EVI5: variants seen among roughly 807,000 people sequenced by gnomAD.
EVI5 encodes the protein ecotropic viral integration site 5 protein homolog.
EVI5 carries 73 observed loss-of-function variants against 112.0 expected under a neutral mutation model. The ratio of observed to expected loss-of-function variants is 0.65; its 90% CI spans 0.54 to 0.79. The LOEUF is 0.79. Ranked by LOEUF, EVI5 falls within the 30% of genes least tolerant of loss-of-function variation. The pLI is 0.00. For missense variants in EVI5, 900 were observed against 968.8 expected, an observed-to-expected ratio of 0.93 and a Z score of 0.94; for synonymous variants, 305 against 319.9, an observed-to-expected ratio of 0.95 and a Z score of 0.50.
In EVI5 at chr1:92,703,632, T is replaced by C. The variant is rs1244162911; in HGVS notation, c.340-13A>G. ...TATGAACAAGTTCCTAAAAATAAAA[T>C]AAAATTACAAAAATGAATTATTTAA... On this transcript the variant is annotated splice_polypyrimidine_tract_variant and intron_variant, in intron 3 of 19. Transcript: ENST00000684568. 6.8e-6 allele frequency: 10 copies of C among 1,481,014 alleles called. No individual in the cohort carries two copies. Among genetic ancestry groups the C allele is most frequent in the Non-Finnish European group, 9.2e-6 (10 of 1,088,276 alleles). 91.7% of individuals were successfully genotyped at this position (1,481,014 alleles called of 1,614,324 possible).
At chr1:92,570,552 A>G (rs1187965689) in intron 18 of EVI5, among the ~76,000 whole-genome samples, 2 of 152,306 alleles carry the variant, frequency 1.3e-5, no homozygotes, top group East Asian at 3.9e-4. Context: ...GTGGGATAAT[A>G]TAATATTTTC....
chr1:92,557,026 C>G (rs1245744999), intron 19 of EVI5, among the ~76,000 whole-genome samples: 1 of 152,040 alleles, frequency 6.6e-6, no homozygotes, highest in Non-Finnish European at 1.5e-5. Flanking sequence ...ATTTAGATTT[C>G]TTTTTATTTA....
intron 2 of EVI5, among the ~76,000 whole-genome samples, chr1:92,736,043 A>G (rs567165271): frequency 1.4e-4 from 21 of 151,582 alleles, no homozygotes; most frequent in African/African-American, 5.1e-4. Flanking sequence ...ACTCTAAACC[A>G]CAAATCAGAT....
In EVI5 at chr1:92,695,341, G is replaced by C. The variant is rs115939164; in HGVS notation, c.878C>G (p.Ala293Gly). 250 of 1,611,474 alleles carry C rather than the reference G, an allele frequency of 1.6e-4. No individual in the cohort carries two copies. In the African/African-American group the frequency reaches 2.8e-3, roughly 18 times the overall value. Residue 293 changes from alanine (A) to glycine (G), a missense_variant, in exon 7 of 20, where the codon GCA becomes GGA. Transcript: ENST00000684568. ...CATAAAGATATCAAATATCCTTGTT[G>C]CAATTGGTAGTGGAAAAGTTGTAAG... ...IFLTTFPLPI[A>G]TRIFDIFMSE...
intron 16 of EVI5, among the ~76,000 whole-genome samples, chr1:92,611,534 TAA>T (rs763503738): frequency 2.3e-4 from 28 of 122,658 alleles, no homozygotes; most frequent in Admixed American, 3.3e-4. Context: ...CTGTCTCTAC[TAA>T]AAAAAAAAAA....
intron 19 of EVI5, among the ~76,000 whole-genome samples, chr1:92,559,170 T>G (rs998013481): frequency 6.6e-6 from 1 of 152,192 alleles, no homozygotes; most frequent in African/African-American, 2.4e-5. Context: ...TACTGTATTG[T>G]TTAGGGAATA....
chr1:92,702,696 C>T (rs1671376161), intron 4 of EVI5, among the ~76,000 whole-genome samples: 1 of 150,778 alleles, frequency 6.6e-6, no homozygotes, highest in African/African-American at 2.4e-5. Context: ...ATCCCAGCTA[C>T]TAGGGAGGCT....
chr1:92,643,001 T>A (rs764600387), intron 13 of EVI5, among the ~76,000 whole-genome samples: 2 of 152,200 alleles, frequency 1.3e-5, no homozygotes, highest in Non-Finnish European at 2.9e-5. Context: ...CATAGGTAGG[T>A]CACAAAGCTT....
At chr1:92,699,587 G>C (rs944034484) in intron 5 of EVI5, among the ~76,000 whole-genome samples, 2 of 152,018 alleles carry the variant, frequency 1.3e-5, no homozygotes, top group African/African-American at 4.8e-5. Context: ...ATCATTGTGC[G>C]AACATCATAG....
intron 1 of EVI5, among the ~76,000 whole-genome samples, chr1:92,741,841 C>G (rs1357333572): frequency 6.6e-6 from 1 of 151,736 alleles, no homozygotes; most frequent in Non-Finnish European, 1.5e-5. Flanking sequence ...GATTGAAGAC[C>G]TAAATAATAG....
chr1:92,574,703 C>T (rs1670789911), intron 18 of EVI5, among the ~76,000 whole-genome samples: 1 of 152,116 alleles, frequency 6.6e-6, no homozygotes, highest in South Asian at 2.1e-4. Flanking sequence ...CCTTAAGAGT[C>T]CATTCTTGTT....
At chr1:92,657,606 T>C (rs1025694954) in intron 13 of EVI5, among the ~76,000 whole-genome samples, 3 of 151,992 alleles carry the variant, frequency 2.0e-5, no homozygotes, top group Admixed American at 2.0e-4. Context: ...GAGGCTGCAG[T>C]GAGCCATGAC....
chr1:92,695,210 G>A (rs1050015293), intron 7 of EVI5, 100 bp downstream of exon 7: 4 of 934,052 alleles, frequency 4.3e-6, no homozygotes, highest in Non-Finnish European at 6.5e-6. Context: ...TTTTGCATGG[G>A]ACACATGGCT....
chr1:92,785,011 C>T lies in EVI5; in HGVS notation c.-257G>A, dbSNP rs1038951440. ...AGGGCCGCCTCGCGACCCTCACCTA[C>T]CCCTCCCGGCACCGCCGCTGTCGGA... On this transcript the variant is annotated 5_prime_UTR_variant, in exon 1 of 20. Coordinates refer to ENST00000684568, the MANE Select transcript of EVI5 (RefSeq NM_001350197.2). 16 of 985,366 alleles carry T rather than the reference C, an allele frequency of 1.6e-5. No homozygotes were observed. The Admixed American group carries it at 1.8e-4, about 11-fold the overall frequency. 61.0% of individuals were successfully genotyped at this position (985,366 alleles called of 1,614,324 possible).
intron 19 of EVI5, among the ~76,000 whole-genome samples, chr1:92,548,936 C>G (rs146668832): frequency 1.3e-5 from 2 of 151,862 alleles, no homozygotes; most frequent in Non-Finnish European, 2.9e-5. Flanking sequence ...GTAATTCATA[C>G]ATTCAATGCC....
rs201168111 is a variant in EVI5, at chr1:92,636,267, G to T, written c.1462C>A (p.Leu488Met). 1.2e-6 allele frequency: 2 copies of T among 1,613,492 alleles called. No homozygotes were observed. Among genetic ancestry groups the T allele is most frequent in the African/African-American group, 1.3e-5 (1 of 74,900 alleles). Residue 488 changes from leucine (L) to methionine (M), a missense_variant, in exon 14 of 20, where the codon CTG (leucine) becomes ATG (methionine). Coordinates refer to ENST00000684568, the MANE Select transcript of EVI5 (RefSeq NM_001350197.2). ...GCACACTGAGACTCAGCTTCACTCA[G>T]TCGGGCTTGGACCAATTCCTTCTCT... Reference protein sequence around the residue: ...QLEKELVQARLSEAESQCALK... With the variant: ...QLEKELVQARMSEAESQCALK...
In EVI5 at chr1:92,588,863, C is replaced by A. The variant is rs79600425; in HGVS notation, c.2070+16444G>T. On this transcript the variant is annotated intron_variant, in intron 18 of 19. Transcript: ENST00000684568. ...ATTTCAAAAAATAAACTATTACATA[C>A]AAATTATTTCAGTAAATAAACATAT... Among the ~76,000 whole-genome samples, 1,359 of 152,246 alleles carry A rather than the reference C, an allele frequency of 8.9e-3. 102 individuals are homozygous for A. The East Asian group carries it at 0.18, about 20-fold the overall frequency.
At chr1:92,633,477 A>C (rs34227756) in intron 14 of EVI5, among the ~76,000 whole-genome samples, 1 of 152,096 alleles carries the variant, frequency 6.6e-6, no homozygotes, top group Non-Finnish European at 1.5e-5. Flanking sequence ...CTGTTTTATC[A>C]GAGACTAGGA....
At chr1:92,557,314 G>A (rs532626332) in intron 19 of EVI5, among the ~76,000 whole-genome samples, 10 of 149,908 alleles carry the variant, frequency 6.7e-5, no homozygotes, top group African/African-American at 2.5e-4. Context: ...TTGAGACGGA[G>A]TCTCTGTGGC....
Sources: gnomAD v4.1 joint callset for allele counts (sites outside exome capture counted in the v4.1 genomes callset) on GRCh38, gnomAD v4.1.1 for gene constraint, MANE v1.5 for transcripts, NCBI Gene and HGNC (gene_info 2026-07-23, HGNC 2026-07-21) for gene names.